CFAP70: variants seen among roughly 807,000 people sequenced by gnomAD.
CFAP70 encodes the protein cilia- and flagella-associated protein 70.
A neutral mutation model predicts 137.6 loss-of-function variants in CFAP70; 81 were observed. The observed-to-expected ratio is 0.59, with a 90% confidence interval of 0.49 to 0.71. CFAP70 has a LOEUF of 0.71. CFAP70 is among the 30% of genes least tolerant of loss of function. CFAP70 has a pLI of 0.00. For missense variants in CFAP70, 976 were observed against 1,226.7 expected (o/e 0.80, Z 3.05); for synonymous variants, 382 against 423.6 (o/e 0.90, Z 1.20).
intron 7 of CFAP70, among the ~76,000 whole-genome samples, chr10:73,333,301 T>C (rs1274807634): frequency 6.6e-6 from 1 of 152,044 alleles, no homozygotes; most frequent in Admixed American, 6.6e-5. Flanking sequence ...AAGGTGTAAT[T>C]AGGCATAACA....
At chr10:73,342,140 TA>T (rs2053304868) in intron 5 of CFAP70, among the ~76,000 whole-genome samples, 1 of 152,196 alleles carries the variant, frequency 6.6e-6, no homozygotes, top group African/African-American at 2.4e-5. Context: ...AGAAAATTGG[TA>T]AAATATATAA....
chr10:73,309,658 A>ATTTTTTTTTTTTTT (rs60294953), intron 12 of CFAP70, among the ~76,000 whole-genome samples: 9,227 of 134,436 alleles, frequency 0.069, 456 homozygotes, highest in East Asian at 0.21. Context: ...TTTCCTAAGA[A>ATTTTTTTTTTTTTT]TTTTTTTTTT....
chr10:73,305,622 T>C (rs972808609), intron 12 of CFAP70, among the ~76,000 whole-genome samples: 7 of 152,238 alleles, frequency 4.6e-5, no homozygotes, highest in Admixed American at 2.0e-4. Flanking sequence ...TGTTTGTATT[T>C]AGATCCTGGC....
At chr10:73,256,531 C>T (rs2044513819) in intron 25 of CFAP70, 115 bp from the exon 27 acceptor site, 5 of 995,416 alleles carry the variant, frequency 5.0e-6, no homozygotes, top group Non-Finnish European at 7.7e-6. Context: ...GCTTCTACAC[C>T]TTCCAGTTAA....
At chr10:73,270,907 C>T (rs548010680) in intron 24 of CFAP70, among the ~76,000 whole-genome samples, 16 of 152,252 alleles carry the variant, frequency 1.1e-4, no homozygotes, top group African/African-American at 2.9e-4. Flanking sequence ...CTTTCACCCA[C>T]ACCCATACTT....
chr10:73,299,721 T>C (rs1203935802), intron 12 of CFAP70, 56 bp from the exon 14 acceptor site: 3 of 1,400,810 alleles, frequency 2.1e-6, no homozygotes, highest in Admixed American at 2.0e-5. Flanking sequence ...TATCTACAGA[T>C]GTATATTTTC....
intron 9 of CFAP70, among the ~76,000 whole-genome samples, chr10:73,320,700 G>A (rs544956009): frequency 1.3e-5 from 2 of 148,784 alleles, no homozygotes; most frequent in Non-Finnish European, 3.0e-5. Context: ...AGGGAGTCTC[G>A]CTCTGTCTCC....
At chr10:73,338,432 CTT>C (rs976162527) in intron 6 of CFAP70, among the ~76,000 whole-genome samples, 23 of 108,464 alleles carry the variant, frequency 2.1e-4, no homozygotes, top group Admixed American at 3.9e-4. Context: ...ATGTGAATCT[CTT>C]TTTTTTTTTT....
chr10:73,271,647 C>A (rs778860103), intron 24 of CFAP70, among the ~76,000 whole-genome samples: 19 of 152,164 alleles, frequency 1.2e-4, no homozygotes, highest in Non-Finnish European at 2.5e-4. Context: ...TTATCACCAA[C>A]TTGTGGAGTT....
At chr10:73,317,596 A>C (rs1271115165) in intron 9 of CFAP70, among the ~76,000 whole-genome samples, 1 of 152,094 alleles carries the variant, frequency 6.6e-6, no homozygotes, top group Non-Finnish European at 1.5e-5. Flanking sequence ...GGATCTGTAA[A>C]TTCATGTCTT....
chr10:73,335,843 T>G (rs752022781), intron 6 of CFAP70, among the ~76,000 whole-genome samples: 25 of 151,446 alleles, frequency 1.7e-4, no homozygotes, highest in Non-Finnish European at 2.7e-4. Context: ...TTTGTTTTTT[T>G]TTTTTTAAAC....
intron 19 of CFAP70, among the ~76,000 whole-genome samples, chr10:73,290,725 G>C (rs1228375448): frequency 6.6e-6 from 1 of 152,130 alleles, no homozygotes; most frequent in Non-Finnish European, 1.5e-5. Context: ...AGAATCATAA[G>C]AGAGGGACTC....
chr10:73,306,175 A>G (rs1564815528), intron 12 of CFAP70, among the ~76,000 whole-genome samples: 1 of 152,198 alleles, frequency 6.6e-6, no homozygotes, highest in Non-Finnish European at 1.5e-5. Flanking sequence ...AAAAGTGAAC[A>G]GAATTTAAGA....
intron 12 of CFAP70, among the ~76,000 whole-genome samples, chr10:73,302,430 G>A (rs1465477342): frequency 6.6e-6 from 1 of 152,104 alleles, no homozygotes; most frequent in Non-Finnish European, 1.5e-5. Context: ...ACAGTGTGGT[G>A]GTCATTGATG....
At chr10:73,273,804 A>T (rs1451333877) in intron 23 of CFAP70, among the ~76,000 whole-genome samples, 1 of 152,248 alleles carries the variant, frequency 6.6e-6, no homozygotes, top group Non-Finnish European at 1.5e-5. Context: ...CGGGAAAAAT[A>T]GAATAAAGTC....
exon 6 of CFAP70, chr10:73,341,506 T>C: frequency 6.2e-7 from 1 of 1,614,194 alleles, no homozygotes; most frequent in Non-Finnish European, 8.5e-7. Context: ...ATTGGCCACT[T>C]TTTGGGCCGG....
chr10:73,335,586 A>G (rs2052562579), intron 6 of CFAP70, 62 bp from the exon 8 acceptor site: 4 of 1,186,302 alleles, frequency 3.4e-6, no homozygotes, highest in South Asian at 2.8e-5. Context: ...TGCTCCATCT[A>G]TAGGGCATTC....
chr10:73,344,906 G>A (rs1317499484), intron 5 of CFAP70, among the ~76,000 whole-genome samples, 159 bp downstream of exon 6: 1 of 151,936 alleles, frequency 6.6e-6, no homozygotes, highest in Non-Finnish European at 1.5e-5. Context: ...ATTAAGATCT[G>A]TATATAAAAT....
At chr10:73,309,451 G>A (rs1297158347) in intron 12 of CFAP70, among the ~76,000 whole-genome samples, 1 of 152,096 alleles carries the variant, frequency 6.6e-6, no homozygotes, top group Non-Finnish European at 1.5e-5. Flanking sequence ...ATCACTAGGT[G>A]AGTAGAGATC....
Sources: gnomAD v4.1 joint callset for allele counts (sites outside exome capture counted in the v4.1 genomes callset) on GRCh38, gnomAD v4.1.1 for gene constraint, MANE v1.5 for transcripts, NCBI Gene and HGNC (gene_info 2026-07-23, HGNC 2026-07-21) for gene names.